UTRN: variants seen among roughly 807,000 people sequenced by gnomAD.
UTRN encodes the protein dystrophin-related protein 1.
In UTRN, 283 loss-of-function variants were observed where a neutral mutation model predicts 463.9. The observed-to-expected ratio is 0.61, with a 90% CI of 0.55 to 0.67. The LOEUF (loss-of-function observed/expected upper bound fraction) is 0.67. UTRN is among the 30% of genes least tolerant of loss of function. UTRN has a pLI of 0.00. For synonymous variants in UTRN, 1,442 were observed against 1,431.5 expected (o/e 1.01, Z -0.17); for missense variants, 3,922 against 4,084.3 (o/e 0.96, Z 1.08).
At chr6:144,789,471 G>A (rs1776575813) in intron 62 of UTRN, among the ~76,000 whole-genome samples, 192 bp downstream of exon 62, 1 of 152,162 alleles carries the variant, frequency 6.6e-6, no homozygotes, top group Non-Finnish European at 1.5e-5. Context: ...GAAATGGAAA[G>A]CTGATTATAA....
intron 66 of UTRN, among the ~76,000 whole-genome samples, chr6:144,824,772 G>GC (rs1562955457): frequency 1.5e-5 from 2 of 131,088 alleles, no homozygotes; most frequent in Non-Finnish European, 1.7e-5. Context: ...GAAGTTGGTG[G>GC]TGGGGGGGGG....
chr6:144,640,760 G>C (rs1777682573), intron 51 of UTRN, among the ~76,000 whole-genome samples: 1 of 152,096 alleles, frequency 6.6e-6, no homozygotes, highest in South Asian at 2.1e-4. Flanking sequence ...GTTTTGAAAA[G>C]AACTGCTTCT....
At chr6:144,754,695 C>G (rs1791788771) in intron 56 of UTRN, 25 bp from the exon 57 acceptor site, 1 of 1,604,800 alleles carries the variant, frequency 6.2e-7, no homozygotes, top group South Asian at 1.1e-5. Context: ...ATTATTTCCT[C>G]TGACTTGCAT....
At chr6:144,387,803 T>C (rs1781545297) in intron 2 of UTRN, among the ~76,000 whole-genome samples, 1 of 152,176 alleles carries the variant, frequency 6.6e-6, no homozygotes, top group African/African-American at 2.4e-5. Flanking sequence ...TTGTTTTTGG[T>C]TGAGTGTTGG....
At chr6:144,846,736 T>C (rs1356314056) in intron 73 of UTRN, 69 bp from the exon 74 acceptor site, 2 of 1,606,944 alleles carry the variant, frequency 1.2e-6, no homozygotes, top group Non-Finnish European at 8.5e-7. Context: ...CGCATTTGCA[T>C]GCCTGAGAGT....
At chr6:144,486,924 C>T (rs1407232332) in intron 28 of UTRN, among the ~76,000 whole-genome samples, 1 of 152,078 alleles carries the variant, frequency 6.6e-6, no homozygotes, top group African/African-American at 2.4e-5. Flanking sequence ...TTCAATTTTC[C>T]AATCTGTAAA....
At chr6:144,702,154 T>A (rs947403885) in intron 53 of UTRN, among the ~76,000 whole-genome samples, 15 of 152,176 alleles carry the variant, frequency 9.9e-5, no homozygotes, top group African/African-American at 3.4e-4. Context: ...ATGCTAATAG[T>A]GTTTACCGAA....
chr6:144,847,687 ACT>A (rs1337224864), intron 74 of UTRN, among the ~76,000 whole-genome samples: 1 of 152,102 alleles, frequency 6.6e-6, no homozygotes, highest in African/African-American at 2.4e-5. Flanking sequence ...ATTCAACAAA[ACT>A]CTGTTTTAGG....
At chr6:144,790,279 T>C (rs1776651447) in intron 62 of UTRN, among the ~76,000 whole-genome samples, 1 of 152,222 alleles carries the variant, frequency 6.6e-6, no homozygotes, top group South Asian at 2.1e-4. Context: ...GATGATTCTT[T>C]ACAGATAAAT....
At chr6:144,634,977 C>G (rs886925053) in intron 51 of UTRN, among the ~76,000 whole-genome samples, 1 of 152,076 alleles carries the variant, frequency 6.6e-6, no homozygotes, top group Non-Finnish European at 1.5e-5. Context: ...CTGCTATGAA[C>G]ATTTATGTGC....
chr6:144,435,833 GAC>G, intron 9 of UTRN, 100 bp from the exon 10 acceptor site: 17 of 1,295,346 alleles, frequency 1.3e-5, no homozygotes, highest in Non-Finnish European at 1.8e-5. Flanking sequence ...TAGTGCCTAA[GAC>G]AGAGTGGTGG....
At chr6:144,556,878 C>T (rs1799435879) in intron 49 of UTRN, among the ~76,000 whole-genome samples, 1 of 152,094 alleles carries the variant, frequency 6.6e-6, no homozygotes, top group Non-Finnish European at 1.5e-5. Context: ...ATGAAAAAGA[C>T]AAATGGTTTG....
At chr6:144,745,079 C>CA (rs1475829327) in intron 54 of UTRN, among the ~76,000 whole-genome samples, 1 of 152,126 alleles carries the variant, frequency 6.6e-6, no homozygotes, top group Non-Finnish European at 1.5e-5. Context: ...CTTAAAAACT[C>CA]ACTCAGTCCC....
rs145401203 is a variant in UTRN, at chr6:144,544,038, G to C, written c.6595+1168G>C. ...GATGCATTTTATAAAATCGTCATGG[G>C]TTATCTTACTTTTTAAAACCTCTAT... On this transcript the variant is annotated intron_variant, in intron 46 of 74. Coordinates refer to ENST00000367545, the MANE Select transcript of UTRN (RefSeq NM_007124.3). Among the ~76,000 whole-genome samples, 91 of 152,224 alleles carry C rather than the reference G, an allele frequency of 6.0e-4. No individual in the cohort carries two copies. In the East Asian group the frequency reaches 0.015, roughly 26 times the overall value.
rs1351417324 is a variant in UTRN, at chr6:144,852,402, CAT to C, written c.*1407_*1408del. On this transcript the variant is annotated 3_prime_UTR_variant, in exon 75 of 75. Transcript: ENST00000367545. The stretch of plus-strand genomic sequence containing the variant: ...ATATGTTTTGATTCAAACCTAAAGA[CAT>C]AAAAACATAAAGACATTTTAACTTT... 3.3e-5 allele frequency: 5 copies of C among 152,326 alleles called. No individual in the cohort carries two copies. In the East Asian group the frequency reaches 9.6e-4, roughly 29 times the overall value. The allele number at this position is 152,326 out of a possible 1,614,324, so 9.4% of individuals were successfully genotyped here. A position where few individuals can be genotyped will look rare whatever the true frequency, so the allele number is the denominator to read the frequency against.
At position 144,338,121 on chromosome 6, in the gene UTRN, CT is replaced by C. The variant is rs988063018; in HGVS notation, c.79+46220del. 2.6e-5 allele frequency among the ~76,000 whole-genome samples: 4 copies of C among 152,150 alleles called. 1 individual carries two copies. The highest frequency in any genetic ancestry group is 2.6e-4 in the Admixed American group (4 of 15,284). On this transcript the variant is annotated intron_variant, in intron 2 of 74. Coordinates refer to ENST00000367545, the MANE Select transcript of UTRN (RefSeq NM_007124.3). ...CCATGAAGTACCATCCTTGACATTACTTTTTTGGGTTTGCTTGTTTTTAAAA... is the reference window on the plus strand; with the variant it reads ...CCATGAAGTACCATCCTTGACATTACTTTTTGGGTTTGCTTGTTTTTAAAA...
chr6:144,672,890 A>G (rs957384118), intron 51 of UTRN, among the ~76,000 whole-genome samples: 2 of 152,064 alleles, frequency 1.3e-5, no homozygotes, highest in African/African-American at 4.8e-5. Context: ...GTTCAGTTCA[A>G]ATAATTTTTT....
At chr6:144,516,204 T>C (rs1222163950) in intron 37 of UTRN, 25 bp from the exon 38 acceptor site, 9 of 1,603,228 alleles carry the variant, frequency 5.6e-6, no homozygotes, top group Non-Finnish European at 7.6e-6. Context: ...AAATCTATTT[T>C]CAGAGAATTC....
intron 2 of UTRN, chr6:144,311,733 T>A (rs904506957): frequency 3.9e-5 from 6 of 152,270 alleles, no homozygotes; most frequent in Admixed American, 3.9e-4. Context: ...TTCAGTATTA[T>A]CTACACTGAT....
Sources: allele counts gnomAD v4.1 joint callset (sites outside exome capture counted in the v4.1 genomes callset), GRCh38; gene constraint gnomAD v4.1.1; transcripts MANE v1.5; gene names NCBI Gene and HGNC (gene_info 2026-07-23, HGNC 2026-07-21).